Variants in COBL observed in about 807,000 individuals in gnomAD.
COBL encodes the protein cordon-bleu WH2 repeat protein.
In COBL, 51 loss-of-function variants were observed where a neutral mutation model predicts 98.8. The ratio of observed to expected loss-of-function variants is 0.52; its 90% CI spans 0.41 to 0.65. The LOEUF is 0.65. COBL is among the 30% of genes least tolerant of loss of function. The pLI, the probability that COBL is intolerant of heterozygous loss-of-function variation, is 0.00. For missense variants in COBL, 1,617 were observed against 1,617.5 expected, an observed-to-expected ratio of 1.00 and a Z score of 0.01; for synonymous variants, 634 against 651.7, an observed-to-expected ratio of 0.97 and a Z score of 0.41.
intron 5 of COBL, among the ~76,000 whole-genome samples, chr7:51,153,980 G>A (rs112551509): frequency 2.6e-5 from 4 of 152,062 alleles, no homozygotes; most frequent in South Asian, 2.1e-4. Context: ...CTTCCATGGC[G>A]TCCCCTCCAA....
At chr7:51,052,415 C>A (rs1015233181) in intron 7 of COBL, among the ~76,000 whole-genome samples, 1 of 152,184 alleles carries the variant, frequency 6.6e-6, no homozygotes, top group Non-Finnish European at 1.5e-5. Flanking sequence ...TGGAACAAAT[C>A]TTGGATCCAT....
chr7:51,248,351 G>C (rs1184591771), intron 1 of COBL, among the ~76,000 whole-genome samples: 2 of 152,104 alleles, frequency 1.3e-5, no homozygotes, highest in Admixed American at 6.5e-5. Context: ...TGGAAGGGAA[G>C]AGAAGAACAG....
intron 5 of COBL, among the ~76,000 whole-genome samples, chr7:51,153,316 T>G (rs1307543351): frequency 6.6e-6 from 1 of 152,248 alleles, no homozygotes; most frequent in African/African-American, 2.4e-5. Context: ...TAATTATTAC[T>G]GATAATTAAA....
rs1163810736 is a variant in COBL, at chr7:51,025,165, T to G, written c.3712A>C (p.Arg1238=). 1.2e-6 allele frequency: 2 copies of G among 1,610,690 alleles called. No individual in the cohort carries two copies. The highest frequency in any genetic ancestry group is 3.3e-5 in the Admixed American group (2 of 59,926). Residue 1238 remains arginine, a synonymous_variant, in exon 12 of 13, where the codon AGG becomes CGG. Transcript: ENST00000265136. ...TGTLSNTADA[R]QALMDAIRSG... ...CGGATGGCGTCCATCAAGGCTTGCC[T>G]TGCGTCTGCGGTGTTGCTGAGGGTG... is the stretch of plus-strand genomic sequence containing the variant.
chr7:51,311,274 G>A (rs1803010837), intron 1 of COBL, among the ~76,000 whole-genome samples: 2 of 152,232 alleles, frequency 1.3e-5, no homozygotes, highest in Non-Finnish European at 2.9e-5. Flanking sequence ...GGAGAGCAGA[G>A]GGAAGCGTGC....
At chr7:51,291,572 C>T (rs1450704956) in intron 1 of COBL, among the ~76,000 whole-genome samples, 1 of 151,948 alleles carries the variant, frequency 6.6e-6, no homozygotes, top group Non-Finnish European at 1.5e-5. Context: ...ACCAGCTTGG[C>T]CAACATGGTG....
At chr7:51,288,358 CG>C (rs893935186) in intron 1 of COBL, among the ~76,000 whole-genome samples, 19 of 146,920 alleles carry the variant, frequency 1.3e-4, no homozygotes, top group African/African-American at 4.8e-4. Context: ...TGCTTGAACC[CG>C]GGAGGCAGAG....
Position 51,219,267 on chromosome 7 carries a change from T to A in COBL, c.245+474A>T, listed in dbSNP as rs532088580. On this transcript the variant is annotated intron_variant, in intron 2 of 12. Coordinates refer to ENST00000265136, the MANE Select transcript of COBL (RefSeq NM_015198.5). ...GTTGGTTTATTCCTTCATCTAAACC[T>A]GAAATATTTTCACTTTAGAAAGTTG... Among the ~76,000 whole-genome samples the A allele has an allele frequency of 5.3e-5, 8 of 152,328 alleles. No homozygotes were observed. The East Asian group carries it at 1.4e-3, about 26-fold the overall frequency.
At chr7:51,128,734 A>G (rs1212662886) in intron 6 of COBL, among the ~76,000 whole-genome samples, 1 of 150,406 alleles carries the variant, frequency 6.6e-6, no homozygotes, top group South Asian at 2.1e-4. Context: ...AGGAGGCTCC[A>G]TAAGACAGTG....
At chr7:51,137,351 T>A (rs1473633216) in intron 5 of COBL, among the ~76,000 whole-genome samples, 1 of 152,228 alleles carries the variant, frequency 6.6e-6, no homozygotes, top group Non-Finnish European at 1.5e-5. Flanking sequence ...GTTTATCTCC[T>A]GTAAAACTGG....
At chr7:51,140,185 T>C (rs1335801145) in intron 5 of COBL, among the ~76,000 whole-genome samples, 1 of 152,106 alleles carries the variant, frequency 6.6e-6, no homozygotes, top group East Asian at 1.9e-4. Flanking sequence ...AAACAGAACC[T>C]TCTATCTCAG....
At chr7:51,095,922 C>G (rs1344859061) in intron 6 of COBL, among the ~76,000 whole-genome samples, 2 of 152,036 alleles carry the variant, frequency 1.3e-5, no homozygotes, top group East Asian at 3.9e-4. Flanking sequence ...TAGAAATAGA[C>G]AGAAACACAA....
Position 51,027,776 on chromosome 7 carries a change from G to A in COBL, c.3320C>T (p.Thr1107Ile), listed in dbSNP as rs758641946. 2 of 1,614,236 alleles carry A rather than the reference G, an allele frequency of 1.2e-6. No homozygotes were observed. Among genetic ancestry groups the A allele is most frequent in the South Asian group, 1.1e-5 (1 of 91,088 alleles). ...PVVQRPVPKD[T>I]SLHSALMEAI... ...TTCCATCAGGGCAGAGTGCAGGGATGTGTCTTTTGGGACTGGTCTCTGGAC... is the reference window on the plus strand; with the variant it reads ...TTCCATCAGGGCAGAGTGCAGGGATATGTCTTTTGGGACTGGTCTCTGGAC... The change falls in exon 10 of 13, where the codon ACA (threonine) becomes ATA (isoleucine). Residue 1107 changes from threonine (T) to isoleucine (I), a missense_variant. By Grantham distance (89) the Thr-to-Ile change is moderately conservative. Coordinates refer to ENST00000265136, the MANE Select transcript of COBL (RefSeq NM_015198.5).
chr7:51,233,447 G>A (rs1209561202), intron 1 of COBL, among the ~76,000 whole-genome samples: 2 of 152,176 alleles, frequency 1.3e-5, no homozygotes, highest in Non-Finnish European at 2.9e-5. Flanking sequence ...GAGCAGAGCT[G>A]TATTGAGTTC....
intron 5 of COBL, among the ~76,000 whole-genome samples, chr7:51,166,890 A>G (rs528399193): frequency 6.6e-6 from 1 of 152,300 alleles, no homozygotes; most frequent in Admixed American, 6.5e-5. Context: ...AAAGCATTTG[A>G]TAACATTCAA....
intron 4 of COBL, among the ~76,000 whole-genome samples, chr7:51,186,965 T>C (rs1789582276): frequency 6.6e-6 from 1 of 152,180 alleles, no homozygotes; most frequent in Admixed American, 6.5e-5. Context: ...ATGGTGCCTA[T>C]GGTATGATAA....
chr7:51,193,162 A>G (rs1790278421), intron 3 of COBL, among the ~76,000 whole-genome samples: 1 of 152,246 alleles, frequency 6.6e-6, no homozygotes, highest in Non-Finnish European at 1.5e-5. Flanking sequence ...TCTATAATAT[A>G]TAAAGAAGCA....
intron 1 of COBL, among the ~76,000 whole-genome samples, chr7:51,271,693 G>A (rs1045365788): frequency 3.3e-5 from 5 of 152,204 alleles, no homozygotes; most frequent in Non-Finnish European, 7.3e-5. Context: ...TCTGCACTCA[G>A]ATTTTAATCA....
chr7:51,304,723 A>G (rs1425968276), intron 1 of COBL, among the ~76,000 whole-genome samples: 1 of 152,196 alleles, frequency 6.6e-6, no homozygotes, highest in Non-Finnish European at 1.5e-5. Context: ...ACAATATTTT[A>G]TAATGAAAAA....
Sources: allele counts gnomAD v4.1 joint callset (sites outside exome capture counted in the v4.1 genomes callset), GRCh38; gene constraint gnomAD v4.1.1; transcripts MANE v1.5; gene names NCBI Gene and HGNC (gene_info 2026-07-23, HGNC 2026-07-21).